CNTNAP4: variants seen among roughly 807,000 people sequenced by gnomAD.
The protein encoded by CNTNAP4 is contactin-associated protein-like 4.
CNTNAP4 carries 98 observed loss-of-function variants against 148.4 expected under a neutral mutation model. The ratio of observed to expected loss-of-function variants is 0.66; its 90% confidence interval spans 0.56 to 0.78. The LOEUF (loss-of-function observed/expected upper bound fraction) is 0.78. Ranked by LOEUF, CNTNAP4 falls within the 30% of genes least tolerant of loss-of-function variation. The pLI is 0.00. For synonymous variants in CNTNAP4, 730 were observed against 565.1 expected, an observed-to-expected ratio of 1.29 and a Z score of -4.14; for missense variants, 1,935 against 1,565.6, an observed-to-expected ratio of 1.24 and a Z score of -3.98.
intron 3 of CNTNAP4, among the ~76,000 whole-genome samples, chr16:76,399,382 C>A (rs2078324043): frequency 6.6e-6 from 1 of 152,126 alleles, no homozygotes; most frequent in Admixed American, 6.5e-5. Flanking sequence ...AAGCAATAAG[C>A]TACCAAAATA....
At chr16:76,372,678 A>G (rs1051315029) in intron 3 of CNTNAP4, among the ~76,000 whole-genome samples, 1 of 143,068 alleles carries the variant, frequency 7.0e-6, no homozygotes, top group Non-Finnish European at 1.5e-5. Flanking sequence ...CATGATTGTG[A>G]GGCCTCCCCA....
chr16:76,425,773 C>G (rs1201836180), intron 3 of CNTNAP4, among the ~76,000 whole-genome samples: 1 of 152,104 alleles, frequency 6.6e-6, no homozygotes, highest in African/African-American at 2.4e-5. Context: ...CTGGCTTGTT[C>G]AAGGAGGTCC....
At chr16:76,296,236 C>A (rs765627581) in intron 1 of CNTNAP4, among the ~76,000 whole-genome samples, 1 of 152,110 alleles carries the variant, frequency 6.6e-6, no homozygotes, top group Non-Finnish European at 1.5e-5. Flanking sequence ...AAGAATTTAT[C>A]CTGAATTGAA....
At chr16:76,538,450 G>A (rs1028625500) in intron 19 of CNTNAP4, 110 bp downstream of exon 19, 2 of 783,030 alleles carry the variant, frequency 2.6e-6, no homozygotes, top group Non-Finnish European at 4.2e-6. Flanking sequence ...GAAAAATGGA[G>A]TGTGCCTGTT....
At chr16:76,407,910 A>G (rs193102323) in intron 3 of CNTNAP4, among the ~76,000 whole-genome samples, 3 of 152,048 alleles carry the variant, frequency 2.0e-5, no homozygotes, top group East Asian at 1.9e-4. Context: ...TAATGTGGCA[A>G]ACTTCATTGT....
chr16:76,341,917 C>T (rs1420839917), intron 2 of CNTNAP4, among the ~76,000 whole-genome samples: 1 of 152,166 alleles, frequency 6.6e-6, no homozygotes, highest in East Asian at 1.9e-4. Context: ...TTGCCATGTC[C>T]TATCGAGTCA....
intron 18 of CNTNAP4, among the ~76,000 whole-genome samples, chr16:76,537,810 A>G (rs1390555996): frequency 6.6e-6 from 1 of 152,120 alleles, no homozygotes; most frequent in African/African-American, 2.4e-5. Context: ...TAAAATTTAA[A>G]TAAAAAAGTA....
chr16:76,293,690 A>T lies in CNTNAP4; in HGVS notation c.85+15943A>T, dbSNP rs528683674. ...ATAGTTTTATAGCTCTTTGCTTGGA[A>T]CTTACTGGACATTGTTGAAAATAAA... is the stretch of plus-strand genomic sequence containing the variant. On this transcript the variant is annotated intron_variant, in intron 1 of 23. Transcript: ENST00000611870. Among the ~76,000 whole-genome samples the T allele has an allele frequency of 2.6e-5, 4 of 152,214 alleles. No homozygotes were observed. The East Asian group carries it at 7.7e-4, about 29-fold the overall frequency.
intron 3 of CNTNAP4, among the ~76,000 whole-genome samples, chr16:76,379,698 C>G (rs928668206): frequency 1.3e-5 from 2 of 152,160 alleles, no homozygotes; most frequent in East Asian, 3.8e-4. Context: ...GAGTGACTTT[C>G]TATATTCTGC....
chr16:76,443,086 A>G (rs2080106244), intron 4 of CNTNAP4, among the ~76,000 whole-genome samples: 1 of 152,146 alleles, frequency 6.6e-6, no homozygotes, highest in African/African-American at 2.4e-5. Context: ...GAGCCACATT[A>G]TTAATCTCGA....
At chr16:76,545,050 A>G (rs142989217) in intron 21 of CNTNAP4, among the ~76,000 whole-genome samples, 1 of 152,378 alleles carries the variant, frequency 6.6e-6, no homozygotes, top group East Asian at 1.9e-4. Flanking sequence ...TTATAAATAT[A>G]TCATGAAATA....
intron 11 of CNTNAP4, among the ~76,000 whole-genome samples, chr16:76,478,331 A>T (rs76834058): frequency 0.015 from 2,260 of 152,316 alleles, 68 homozygotes; most frequent in African/African-American, 0.052. Context: ...TACTCTCTTC[A>T]GTGCACAAAA....
At chr16:76,495,241 C>T in intron 14 of CNTNAP4, 175 bp downstream of exon 14, 2 of 534,722 alleles carry the variant, frequency 3.7e-6, no homozygotes, top group East Asian at 3.4e-5. Context: ...TAAGTCAATG[C>T]CTTTTTGAGT....
intron 4 of CNTNAP4, among the ~76,000 whole-genome samples, chr16:76,447,263 T>G (rs1408949190): frequency 1.3e-5 from 2 of 151,778 alleles, no homozygotes; most frequent in Non-Finnish European, 2.9e-5. Context: ...TGAGCCAAGA[T>G]AGTGTGAGTA....
chr16:76,309,692 C>T (rs541258433), intron 1 of CNTNAP4, among the ~76,000 whole-genome samples: 4 of 152,098 alleles, frequency 2.6e-5, no homozygotes, highest in Non-Finnish European at 5.9e-5. Context: ...ATTGTATCTC[C>T]CAGAATTCCC....
intron 4 of CNTNAP4, among the ~76,000 whole-genome samples, chr16:76,429,538 T>C (rs1378749085): frequency 6.6e-6 from 1 of 152,180 alleles, no homozygotes; most frequent in African/African-American, 2.4e-5. Flanking sequence ...ACACCCTTAG[T>C]ATGCATTAAA....
chr16:76,539,675 A>G (rs1029631921), intron 19 of CNTNAP4, 44 bp from the exon 20 acceptor site: 1 of 1,518,528 alleles, frequency 6.6e-7, no homozygotes, highest in Non-Finnish European at 8.8e-7. Context: ...CCGCTCTCAA[A>G]GTACGATTTT....
At chr16:76,365,306 T>G (rs932008952) in intron 3 of CNTNAP4, among the ~76,000 whole-genome samples, 5 of 152,226 alleles carry the variant, frequency 3.3e-5, no homozygotes, top group African/African-American at 1.2e-4. Flanking sequence ...AGTCAGGTAC[T>G]GTGATGGTTC....
chr16:76,499,866 G>C (rs1485367292), intron 15 of CNTNAP4, among the ~76,000 whole-genome samples: 3 of 152,070 alleles, frequency 2.0e-5, no homozygotes, highest in Admixed American at 2.0e-4. Flanking sequence ...CAGAGAGCAC[G>C]GGGTTGGGGG....
Sources: gnomAD v4.1 joint callset for allele counts (sites outside exome capture counted in the v4.1 genomes callset) on GRCh38, gnomAD v4.1.1 for gene constraint, MANE v1.5 for transcripts, NCBI Gene and HGNC (gene_info 2026-07-23, HGNC 2026-07-21) for gene names.